GFRA1: variants seen among roughly 807,000 people sequenced by gnomAD.
GFRA1 encodes the protein GDNF family receptor alpha 1.
GFRA1 carries 16 observed loss-of-function variants against 51.6 expected under a neutral mutation model. The ratio of observed to expected loss-of-function variants is 0.31; its 90% CI spans 0.21 to 0.47. The LOEUF (loss-of-function observed/expected upper bound fraction) is 0.47. GFRA1 is among the 20% of genes least tolerant of loss of function. The pLI is 1.00. For synonymous variants in GFRA1, 270 were observed against 241.3 expected (o/e 1.12, Z -1.10); for missense variants, 530 against 594.3 (o/e 0.89, Z 1.13).
intron 5 of GFRA1, among the ~76,000 whole-genome samples, chr10:116,195,814 C>T (rs1039459625): frequency 5.9e-5 from 9 of 152,222 alleles, no homozygotes; most frequent in Non-Finnish European, 1.3e-4. Context: ...AAACCCTATT[C>T]AGTGAAACCT....
At chr10:116,203,123 A>G (rs1400808310) in intron 5 of GFRA1, among the ~76,000 whole-genome samples, 1 of 152,182 alleles carries the variant, frequency 6.6e-6, no homozygotes, top group East Asian at 1.9e-4. Flanking sequence ...GCCACTCGTC[A>G]ATGAGTGGCC....
intron 6 of GFRA1, among the ~76,000 whole-genome samples, chr10:116,099,290 C>T (rs1219542451): frequency 1.3e-5 from 2 of 152,148 alleles, no homozygotes; most frequent in East Asian, 3.9e-4. Flanking sequence ...AACCAGCAAA[C>T]ACTATAAATC....
At chr10:116,188,180 C>CTGCAGCAGCAGTATTTA (rs1327056366) in intron 5 of GFRA1, among the ~76,000 whole-genome samples, 1 of 152,108 alleles carries the variant, frequency 6.6e-6, no homozygotes, top group Non-Finnish European at 1.5e-5. Flanking sequence ...AGGGACCTCT[C>CTGCAGCAGCAGTATTTA]TGCAGCAGCA....
intron 9 of GFRA1, among the ~76,000 whole-genome samples, chr10:116,084,199 G>A (rs1219982055): frequency 6.6e-6 from 1 of 152,204 alleles, no homozygotes; most frequent in Non-Finnish European, 1.5e-5. Context: ...GTGGTTGGGG[G>A]CAGGACGGCT....
chr10:116,250,805 G>A (rs575188534), intron 4 of GFRA1, among the ~76,000 whole-genome samples: 7 of 152,306 alleles, frequency 4.6e-5, no homozygotes, highest in Non-Finnish European at 8.8e-5. Flanking sequence ...CCCTGGTGGT[G>A]GCCTGGTCCC....
chr10:116,063,194 A>T lies in GFRA1; in HGVS notation c.*1204T>A, dbSNP rs1488509105. 1.3e-5 allele frequency: 2 copies of T among 152,248 alleles called. No homozygotes were observed. Among genetic ancestry groups the T allele is most frequent in the Non-Finnish European group, 2.9e-5 (2 of 68,064 alleles). 9.4% of individuals were successfully genotyped at this position (152,248 alleles called of 1,614,324 possible). A position where few individuals can be genotyped will look rare whatever the true frequency, so the allele number is the denominator to read the frequency against. Reference sequence around the variant, plus strand: ...TGTCAGATAACCTGAAAACCAAGGTACTGGATTGTGTCATGACAAGTGTGT... The same window carrying T: ...TGTCAGATAACCTGAAAACCAAGGTTCTGGATTGTGTCATGACAAGTGTGT... On this transcript the variant is annotated 3_prime_UTR_variant, in exon 11 of 11. Coordinates refer to ENST00000355422, the MANE Select transcript of GFRA1 (RefSeq NM_005264.8).
At chr10:116,079,012 C>T (rs1017788900) in intron 9 of GFRA1, among the ~76,000 whole-genome samples, 1 of 152,102 alleles carries the variant, frequency 6.6e-6, no homozygotes, top group Non-Finnish European at 1.5e-5. Flanking sequence ...ACAACACTTC[C>T]ATCCACTATG....
chr10:116,190,020 A>G (rs1162051983), intron 5 of GFRA1, among the ~76,000 whole-genome samples: 1 of 152,194 alleles, frequency 6.6e-6, no homozygotes, highest in Non-Finnish European at 1.5e-5. Context: ...GAGCGGGACC[A>G]GAACTCAGGA....
chr10:116,239,840 C>G (rs1165277165), intron 4 of GFRA1, among the ~76,000 whole-genome samples: 1 of 152,100 alleles, frequency 6.6e-6, no homozygotes, highest in Non-Finnish European at 1.5e-5. Flanking sequence ...CTAGGATTTA[C>G]CAAAATTTTT....
chr10:116,074,768 ACC>A (rs1955544437), intron 9 of GFRA1, among the ~76,000 whole-genome samples: 1 of 152,178 alleles, frequency 6.6e-6, no homozygotes, highest in Non-Finnish European at 1.5e-5. Flanking sequence ...GTTGAATTTT[ACC>A]CAATAAGAGA....
intron 5 of GFRA1, among the ~76,000 whole-genome samples, chr10:116,160,348 A>G (rs1589833585): frequency 6.6e-6 from 1 of 152,236 alleles, no homozygotes; most frequent in East Asian, 1.9e-4. Context: ...CATTCCCACC[A>G]ACATGACAAA....
intron 4 of GFRA1, among the ~76,000 whole-genome samples, chr10:116,222,970 T>C (rs185219715): frequency 1.5e-3 from 222 of 152,354 alleles, no homozygotes; most frequent in Non-Finnish European, 2.7e-3. Flanking sequence ...ATAGGTAACC[T>C]ATAGATTATT....
chr10:116,162,719 T>C (rs1187431916), intron 5 of GFRA1, among the ~76,000 whole-genome samples: 2 of 152,200 alleles, frequency 1.3e-5, no homozygotes, highest in African/African-American at 4.8e-5. Context: ...TGTGTTGTGA[T>C]GGTTGCACAA....
At chr10:116,194,040 A>G (rs1163492365) in intron 5 of GFRA1, among the ~76,000 whole-genome samples, 2 of 119,386 alleles carry the variant, frequency 1.7e-5, no homozygotes, top group Non-Finnish European at 3.3e-5. Flanking sequence ...CTCCGTCTCA[A>G]TAAAAAAAAA....
intron 4 of GFRA1, among the ~76,000 whole-genome samples, chr10:116,251,505 C>G (rs918852022): frequency 6.6e-6 from 1 of 152,142 alleles, no homozygotes; most frequent in Non-Finnish European, 1.5e-5. Flanking sequence ...CTGGTATGGT[C>G]CAAACACTCT....
At chr10:116,091,290 GAAC>G (rs1248025576) in intron 8 of GFRA1, among the ~76,000 whole-genome samples, 13 of 152,174 alleles carry the variant, frequency 8.5e-5, no homozygotes, top group African/African-American at 2.4e-5. Flanking sequence ...ACACAGTAGT[GAAC>G]AACAACATCA....
intron 4 of GFRA1, among the ~76,000 whole-genome samples, chr10:116,244,630 G>C (rs1967718939): frequency 6.6e-6 from 1 of 151,768 alleles, no homozygotes; most frequent in Non-Finnish European, 1.5e-5. Flanking sequence ...GAGAGGATTA[G>C]TGACTAGGAG....
At chr10:116,179,249 C>A (rs1387521404) in intron 5 of GFRA1, among the ~76,000 whole-genome samples, 1 of 152,182 alleles carries the variant, frequency 6.6e-6, no homozygotes, top group Non-Finnish European at 1.5e-5. Context: ...CTAATTAAGT[C>A]TTCATACAAA....
intron 9 of GFRA1, among the ~76,000 whole-genome samples, chr10:116,086,158 G>A (rs965337451): frequency 1.1e-4 from 17 of 152,252 alleles, no homozygotes; most frequent in African/African-American, 3.9e-4. Context: ...TGAGTCATGG[G>A]GCTGCTGTGA....
Sources: allele counts gnomAD v4.1 joint callset (sites outside exome capture counted in the v4.1 genomes callset), GRCh38; gene constraint gnomAD v4.1.1; transcripts MANE v1.5; gene names NCBI Gene and HGNC (gene_info 2026-07-23, HGNC 2026-07-21).